Variants in AXIN1 observed in about 807,000 individuals in gnomAD.
AXIN1 encodes axin 1, also known as axin-1.
A neutral mutation model predicts 76.4 loss-of-function variants in AXIN1; 30 were observed. That is an observed-to-expected ratio of 0.39 (90% CI 0.29 to 0.53). The LOEUF (loss-of-function observed/expected upper bound fraction) is 0.53. Among genes scored for constraint, AXIN1 ranks in the 20% least tolerant of loss-of-function variants. The pLI, the probability that AXIN1 is intolerant of heterozygous loss-of-function variation, is 0.66. For synonymous variants in AXIN1, 545 were observed against 501.4 expected, an observed-to-expected ratio of 1.09 and a Z score of -1.16; for missense variants, 1,140 against 1,198.8, an observed-to-expected ratio of 0.95 and a Z score of 0.72.
At chr16:342,426 T>G (rs928671049) in intron 2 of AXIN1, among the ~76,000 whole-genome samples, 1 of 152,118 alleles carries the variant, frequency 6.6e-6, no homozygotes, top group African/African-American at 2.4e-5. Context: ...AGGATATGCA[T>G]CCCCTAACAC....
At chr16:300,549 T>C (rs1383731418) in intron 5 of AXIN1, among the ~76,000 whole-genome samples, 1 of 152,092 alleles carries the variant, frequency 6.6e-6, no homozygotes, top group African/African-American at 2.4e-5. Flanking sequence ...AGCACCCAAC[T>C]CTCACACCTG....
At chr16:318,738 G>A (rs147464059) in intron 2 of AXIN1, among the ~76,000 whole-genome samples, 79 of 152,352 alleles carry the variant, frequency 5.2e-4, no homozygotes, top group African/African-American at 1.9e-3. Flanking sequence ...GCGCCCGCAT[G>A]CCCATGTGTG....
In AXIN1 at chr16:310,490, G is replaced by A. The variant is rs546531668; in HGVS notation, c.1020-421C>T. The stretch of plus-strand genomic sequence containing the variant: ...CGGCTCACTGCAAGCTCCACCTCCC[G>A]GGTTCACGCTATTCTCCTGCCTCAG... On this transcript the variant is annotated intron_variant, in intron 3 of 10. Transcript: ENST00000262320. 1.7e-3 allele frequency among the ~76,000 whole-genome samples: 263 copies of A among 152,102 alleles called. 1 individual carries two copies. Among genetic ancestry groups the A allele is most frequent in the African/African-American group, 6.0e-3 (250 of 41,500 alleles).
intron 2 of AXIN1, among the ~76,000 whole-genome samples, chr16:323,009 G>A (rs2053492316): frequency 6.6e-6 from 1 of 152,192 alleles, no homozygotes; most frequent in African/African-American, 2.4e-5. Flanking sequence ...CCAAAACTGA[G>A]AGCCAAGCGT....
rs529610454 is a variant in AXIN1 at position 308,265 on chromosome 16, C to T, written c.1116+1708G>A. Among the ~76,000 whole-genome samples the T allele has an allele frequency of 4.6e-5, 7 of 152,318 alleles. No individual in the cohort carries two copies. In the South Asian group the frequency reaches 8.3e-4, roughly 18 times the overall value. ...GGTTCTGACGACGACACCAGGGACT[C>T]GCCATAGGCATCCTCTTTTCTCTGT... On this transcript the variant is annotated intron_variant, in intron 4 of 10. Coordinates refer to ENST00000262320, the MANE Select transcript of AXIN1 (RefSeq NM_003502.4).
intron 2 of AXIN1, among the ~76,000 whole-genome samples, chr16:340,478 G>C (rs536650835): frequency 6.6e-6 from 1 of 152,256 alleles, no homozygotes; most frequent in South Asian, 2.1e-4. Flanking sequence ...GGCCAGCCCT[G>C]AAGGCCACCT....
intron 2 of AXIN1, among the ~76,000 whole-genome samples, chr16:333,002 C>T (rs907003549): frequency 6.6e-6 from 1 of 152,018 alleles, no homozygotes; most frequent in Non-Finnish European, 1.5e-5. Flanking sequence ...CTGGGCAACA[C>T]TGGGAGACCT....
intron 4 of AXIN1, among the ~76,000 whole-genome samples, chr16:306,921 G>A (rs1226543966): frequency 6.6e-6 from 1 of 152,232 alleles, no homozygotes; most frequent in Non-Finnish European, 1.5e-5. Flanking sequence ...GTGGACGGCA[G>A]GGCGTCCACA....
Position 332,102 on chromosome 16 carries a change from A to T in AXIN1, c.878+14046T>A, listed in dbSNP as rs146537935. Among the ~76,000 whole-genome samples the T allele has an allele frequency of 4.4e-3, 674 of 152,262 alleles. 14 individuals are homozygous for T. Among genetic ancestry groups the T allele is most frequent in the African/African-American group, 0.015 (641 of 41,510 alleles). On this transcript the variant is annotated intron_variant, in intron 2 of 10. Transcript: ENST00000262320. ...CCTGACACAGGCAGTGCGAGAGTCCACAGGTCGGCAGCCTTCAGCAGCGAC... is the reference window on the plus strand; with the variant it reads ...CCTGACACAGGCAGTGCGAGAGTCCTCAGGTCGGCAGCCTTCAGCAGCGAC...
intron 1 of AXIN1, among the ~76,000 whole-genome samples, chr16:349,073 G>A (rs1014018322): frequency 2.0e-5 from 3 of 152,016 alleles, no homozygotes; most frequent in African/African-American, 7.2e-5. Flanking sequence ...CTGCACTCCA[G>A]CTTGGGCGAC....
chr16:297,250 C>G (rs902638220), intron 6 of AXIN1, 24 bp from the exon 7 acceptor site: 1 of 1,602,246 alleles, frequency 6.2e-7, no homozygotes, highest in Non-Finnish European at 8.5e-7. Flanking sequence ...AGCTGCGAGT[C>G]GCCCTGGCCT....
In AXIN1 at chr16:309,965, G is replaced by C. The variant is rs2141572438; in HGVS notation, c.1116+8C>G. 6.2e-7 allele frequency: 1 copy of C among 1,613,006 alleles called. No individual in the cohort carries two copies. The highest frequency in any genetic ancestry group is 1.1e-5 in the South Asian group (1 of 91,028). Reference sequence around the variant, plus strand: ...CGATGGGCTGAGGACCGCAAAGCCGGTACTTACGGGAATGTGAGGTAGGGG... The same window carrying C: ...CGATGGGCTGAGGACCGCAAAGCCGCTACTTACGGGAATGTGAGGTAGGGG... On this transcript the variant is annotated splice_region_variant and intron_variant, in intron 4 of 10. Coordinates refer to ENST00000262320, the MANE Select transcript of AXIN1 (RefSeq NM_003502.4).
intron 2 of AXIN1, among the ~76,000 whole-genome samples, chr16:335,513 C>T (rs1189405114): frequency 6.6e-6 from 1 of 152,062 alleles, no homozygotes; most frequent in Non-Finnish European, 1.5e-5. Context: ...AATAACACAG[C>T]ACCCAGTACC....
intron 2 of AXIN1, among the ~76,000 whole-genome samples, chr16:333,412 C>G (rs1200048305): frequency 6.6e-6 from 1 of 150,832 alleles, no homozygotes; most frequent in African/African-American, 2.4e-5. Context: ...ATCGCTCAAG[C>G]CTTTTTTTCC....
intron 9 of AXIN1, 87 bp from the exon 10 acceptor site, chr16:289,694 G>C (rs2052498377): frequency 2.6e-6 from 4 of 1,552,368 alleles, no homozygotes; most frequent in Admixed American, 3.7e-5. Context: ...GCCAGTGTAA[G>C]GCGGGGCAGG....
intron 10 of AXIN1, among the ~76,000 whole-genome samples, chr16:288,752 C>T (rs558012526): frequency 1.3e-5 from 2 of 152,258 alleles, no homozygotes; most frequent in Non-Finnish European, 2.9e-5. Flanking sequence ...GCTGGCTGCA[C>T]GCAGGGCCCT....
chr16:288,801 G>A (rs1014804629), intron 10 of AXIN1, among the ~76,000 whole-genome samples: 2 of 152,240 alleles, frequency 1.3e-5, no homozygotes, highest in African/African-American at 4.8e-5. Context: ...ACCTTGGTAG[G>A]AGGGGGCTTG....
At chr16:325,877 T>C (rs2053569500) in intron 2 of AXIN1, among the ~76,000 whole-genome samples, 1 of 152,020 alleles carries the variant, frequency 6.6e-6, no homozygotes, top group Admixed American at 6.5e-5. Flanking sequence ...TGAACTTCCA[T>C]ATGAATGTGA....
At chr16:305,710 A>AT (rs1205919439) in intron 4 of AXIN1, among the ~76,000 whole-genome samples, 1 of 151,496 alleles carries the variant, frequency 6.6e-6, no homozygotes, top group African/African-American at 2.4e-5. Context: ...TGCCCGGCTA[A>AT]TTTTTTTGTA....
Sources: gnomAD v4.1 joint callset for allele counts (sites outside exome capture counted in the v4.1 genomes callset) on GRCh38, gnomAD v4.1.1 for gene constraint, MANE v1.5 for transcripts, NCBI Gene and HGNC (gene_info 2026-07-23, HGNC 2026-07-21) for gene names.